MECR: variants seen among roughly 807,000 people sequenced by gnomAD.
MECR encodes mitochondrial trans-2-enoyl-CoA reductase.
MECR carries 37 observed loss-of-function variants against 49.1 expected under a neutral mutation model. The ratio of observed to expected loss-of-function variants is 0.75; its 90% CI spans 0.58 to 0.99. The LOEUF is 0.99. Among genes scored for constraint, MECR ranks in the 50% least tolerant of loss-of-function variants. The probability of loss-of-function intolerance (pLI) is 0.00; values close to 1 mark genes in which losing one functional copy is unlikely to be tolerated. For synonymous variants in MECR, 198 were observed against 191.1 expected (o/e 1.04, Z -0.30); for missense variants, 470 against 479.6 (o/e 0.98, Z 0.19).
chr1:29,202,847 C>T (rs1275596760), intron 5 of MECR, among the ~76,000 whole-genome samples: 1 of 152,174 alleles, frequency 6.6e-6, no homozygotes, highest in Admixed American at 6.5e-5. Context: ...GAGGTTATCA[C>T]AAGCCAAGAG....
Position 29,194,051 on chromosome 1 carries a change from T to C in MECR, c.1093A>G (p.Ile365Val), listed in dbSNP as rs768902719. Reference protein sequence around the residue: ...SALEASMKPFISSKQILTM With the variant: ...SALEASMKPFVSSKQILTM ...ATGGTGAGAATCTGCTTTGAAGATA[T>C]GAAGGGCTTCATGGAGGCTTCCAAG... The change falls in exon 10 of 10, where the codon ATA (isoleucine) becomes GTA (valine). Residue 365 changes from isoleucine (I) to valine (V), a missense_variant. By Grantham distance (29) the Ile-to-Val change is conservative. Coordinates refer to ENST00000263702, the MANE Select transcript of MECR (RefSeq NM_016011.5). 6.2e-7 allele frequency: 1 copy of C among 1,614,184 alleles called. No homozygotes were observed. The highest frequency in any genetic ancestry group is 8.5e-7 in the Non-Finnish European group (1 of 1,180,036).
intron 4 of MECR, 64 bp from the exon 5 acceptor site, chr1:29,203,297 C>T: frequency 7.6e-7 from 1 of 1,318,076 alleles, no homozygotes; most frequent in South Asian, 1.3e-5. Flanking sequence ...CAAAGGCTCC[C>T]AGCCGGGGAT....
chr1:29,181,945 C>A, the MECR span: 1 of 414,274 alleles, frequency 2.4e-6, no homozygotes, highest in Non-Finnish European at 4.2e-6. Context: ...TTCCCCGAGG[C>A]GGAAGGTAAC....
the MECR span, among the ~76,000 whole-genome samples, chr1:29,185,184 T>C: frequency 6.6e-6 from 1 of 152,224 alleles, no homozygotes; most frequent in African/African-American, 2.4e-5. Flanking sequence ...GACCTCCCAG[T>C]GTTGAGATTA....
intron 7 of MECR, 139 bp from the exon 8 acceptor site, chr1:29,196,397 C>T: frequency 1.3e-6 from 1 of 792,566 alleles, no homozygotes; most frequent in Non-Finnish European, 2.0e-6. Context: ...TTGAAAAATA[C>T]AGATTCCAGC....
At chr1:29,175,008 AAGAG>A in the MECR span, among the ~76,000 whole-genome samples, 4 of 143,890 alleles carry the variant, frequency 2.8e-5, no homozygotes, top group Non-Finnish European at 4.4e-5. Context: ...AAAAGAAAAG[AAGAG>A]AGACAGAGTG....
chr1:29,225,040 C>T (rs1054140273), intron 1 of MECR, among the ~76,000 whole-genome samples: 2 of 152,206 alleles, frequency 1.3e-5, no homozygotes, highest in African/African-American at 4.8e-5. Context: ...CTGCAGCTTT[C>T]ACCTTCAGAG....
chr1:29,214,506 C>T (rs1351225319), intron 3 of MECR, among the ~76,000 whole-genome samples: 7 of 151,636 alleles, frequency 4.6e-5, no homozygotes, highest in African/African-American at 9.7e-5. Context: ...TGACTACAGA[C>T]GCATGCCACC....
At chr1:29,200,223 C>T (rs541095364) in intron 7 of MECR, 2 of 253,956 alleles carry the variant, frequency 7.9e-6, no homozygotes, top group African/African-American at 4.4e-5. Flanking sequence ...TTTCAGACAT[C>T]CCTAGGTTAT....
intron 9 of MECR, among the ~76,000 whole-genome samples, chr1:29,194,625 G>A (rs761798519): frequency 8.5e-5 from 13 of 152,172 alleles, no homozygotes; most frequent in Non-Finnish European, 1.6e-4. Context: ...AGCTCTCCCT[G>A]AGAGCCCAGG....
chr1:29,203,433 A>G (rs1675825393), intron 4 of MECR, among the ~76,000 whole-genome samples, 200 bp from the exon 5 acceptor site: 1 of 151,016 alleles, frequency 6.6e-6, no homozygotes, highest in Non-Finnish European at 1.5e-5. Flanking sequence ...AACACTCACG[A>G]TGCCTCCCAG....
At chr1:29,211,190 T>C (rs1677937196) in intron 3 of MECR, among the ~76,000 whole-genome samples, 1 of 151,784 alleles carries the variant, frequency 6.6e-6, no homozygotes. Context: ...TATCCTTCCA[T>C]GTCAGCCTCC....
At chr1:29,194,803 G>A (rs1405504725) in intron 9 of MECR, among the ~76,000 whole-genome samples, 1 of 152,160 alleles carries the variant, frequency 6.6e-6, no homozygotes, top group Non-Finnish European at 1.5e-5. Context: ...CATCTATACT[G>A]GCTCCTCAGT....
rs193069216 is a variant in MECR, at chr1:29,223,236, C to T, written c.177-6551G>A. ...CCCAGCCTGGATAAGGTCACAATGG[C>T]TCCTTTGAGGCCAAGGCTGTACACC... On this transcript the variant is annotated intron_variant, in intron 1 of 9. Transcript: ENST00000263702. 6.3e-5 allele frequency: 62 copies of T among 985,374 alleles called. No individual in the cohort carries two copies. In the African/African-American group the frequency reaches 9.6e-4, roughly 15 times the overall value. 61.0% of individuals were successfully genotyped at this position (985,374 alleles called of 1,614,324 possible). A position where few individuals can be genotyped will look rare whatever the true frequency, so the allele number is the denominator to read the frequency against.
chr1:29,184,807 G>A, the MECR span, among the ~76,000 whole-genome samples: 3 of 151,842 alleles, frequency 2.0e-5, no homozygotes, highest in Admixed American at 2.0e-4. Context: ...ATGGAGTCTC[G>A]TTGTTTTCCT....
chr1:29,167,874 TCTC>T, the MECR span, among the ~76,000 whole-genome samples: 3 of 152,210 alleles, frequency 2.0e-5, no homozygotes, highest in Non-Finnish European at 2.9e-5. Context: ...TTATTATTCT[TCTC>T]ATTTTACAAT....
At chr1:29,210,154 G>A (rs905774280) in intron 3 of MECR, among the ~76,000 whole-genome samples, 7 of 152,020 alleles carry the variant, frequency 4.6e-5, no homozygotes, top group Non-Finnish European at 1.0e-4. Context: ...GGGACTACAC[G>A]TGCCCGCCAC....
intron 1 of MECR, chr1:29,230,428 A>C: frequency 2.8e-6 from 1 of 362,770 alleles, no homozygotes; most frequent in South Asian, 3.2e-5. Flanking sequence ...GGATAAATCA[A>C]TAACTACCCC....
chr1:29,227,729 A>C (rs1252124880), intron 1 of MECR, among the ~76,000 whole-genome samples: 1 of 152,220 alleles, frequency 6.6e-6, no homozygotes, highest in African/African-American at 2.4e-5. Context: ...CCTGACCCAG[A>C]CAGCCAGTTA....
Sources: gnomAD v4.1 joint callset for allele counts (sites outside exome capture counted in the v4.1 genomes callset) on GRCh38, gnomAD v4.1.1 for gene constraint, MANE v1.5 for transcripts, NCBI Gene and HGNC (gene_info 2026-07-23, HGNC 2026-07-21) for gene names.